Variants in TIMM44 observed in about 807,000 individuals in gnomAD.
The protein encoded by TIMM44 is mitochondrial import inner membrane translocase subunit TIM44.
A neutral mutation model predicts 63.8 loss-of-function variants in TIMM44; 37 were observed. The observed-to-expected ratio is 0.58, with a 90% CI of 0.45 to 0.76. The LOEUF (loss-of-function observed/expected upper bound fraction) is 0.76. Ranked by LOEUF, TIMM44 falls within the 30% of genes least tolerant of loss-of-function variation. The pLI is 0.00. For synonymous variants in TIMM44, 239 were observed against 245.1 expected (o/e 0.98, Z 0.23); for missense variants, 573 against 603.8 (o/e 0.95, Z 0.54).
intron 12 of TIMM44, 51 bp from the exon 13 acceptor site, chr19:7,927,357 G>A: frequency 1.3e-6 from 2 of 1,587,850 alleles, no homozygotes; most frequent in South Asian, 1.1e-5. Flanking sequence ...GGTGACCCAG[G>A]CAGCTCTGGG....
At chr19:7,932,575 G>A (rs1004996785) in intron 9 of TIMM44, 52 bp downstream of exon 9, 2 of 1,599,310 alleles carry the variant, frequency 1.3e-6, no homozygotes, top group Non-Finnish European at 1.7e-6. Flanking sequence ...CGGGGGAGGT[G>A]GTGGAGCCAG....
Position 7,933,782 on chromosome 19 carries a change from G to A in TIMM44, c.683+82C>T. The A allele has an allele frequency of 6.3e-7, 1 of 1,589,550 alleles. No homozygotes were observed. The highest frequency in any genetic ancestry group is 8.6e-7 in the Non-Finnish European group (1 of 1,162,588). ...AAACTCAAGAAACGGACTCAGGAGGGAACCATTGGTGGGCTCCCGAAATGG... is the reference window on the plus strand; with the variant it reads ...AAACTCAAGAAACGGACTCAGGAGGAAACCATTGGTGGGCTCCCGAAATGG... On this transcript the variant is annotated intron_variant, in intron 6 of 12. Transcript: ENST00000270538. The surrounding 1 kb of genome is among the most constrained non-coding windows in gnomAD (Gnocchi z 4.3).
At position 7,927,078 on chromosome 19, in the gene TIMM44, G is replaced by A. The variant is rs1983828452; in HGVS notation, c.*109C>T. The A allele has an allele frequency of 6.8e-7, 1 of 1,471,248 alleles. No individual in the cohort carries two copies. The highest frequency in any genetic ancestry group is 9.2e-7 in the Non-Finnish European group (1 of 1,090,376). 91.1% of individuals were successfully genotyped at this position (1,471,248 alleles called of 1,614,324 possible). On this transcript the variant is annotated 3_prime_UTR_variant, in exon 13 of 13. Coordinates refer to ENST00000270538, the MANE Select transcript of TIMM44 (RefSeq NM_006351.4). ...TTGCAGCCGTCCTGGCAGAGCTGGG[G>A]GCAGAGCCCGCAGTCTTGTTCCCAG...
chr19:7,937,937 G>A (rs1188452652), intron 3 of TIMM44, 90 bp downstream of exon 3: 1 of 1,505,834 alleles, frequency 6.6e-7, no homozygotes, highest in Non-Finnish European at 9.2e-7. Context: ...GGAATCACTT[G>A]AACCTGGGAG....
rs766924897 is a variant in TIMM44 at position 7,932,656 on chromosome 19, C to A, written c.958G>T (p.Glu320Ter). Residue 320 changes from glutamate (E) to a stop codon, truncating the protein, a stop_gained, in exon 9 of 13, where the codon GAG becomes TAG. Transcript: ENST00000270538. LOFTEE classifies it high-confidence loss of function. The stretch of plus-strand genomic sequence containing the variant: ...AGGACATTGGGGATGATGTCGTTCT[C>A]GCACTGTTTCAGAAACCGGTCCTTG... The part of the protein sequence containing the change: ...FDKDRFLKQC[E>*]NDIIPNVLEA... 1.2e-6 allele frequency: 2 copies of A among 1,614,090 alleles called. No individual in the cohort carries two copies. The highest frequency in any genetic ancestry group is 2.2e-5 in the South Asian group (2 of 91,082).
intron 2 of TIMM44, among the ~76,000 whole-genome samples, chr19:7,938,710 G>C (rs1984223112): frequency 6.6e-6 from 1 of 152,140 alleles, no homozygotes; most frequent in Non-Finnish European, 1.5e-5. Flanking sequence ...AGAAGGCTGA[G>C]GCACAAGAAT....
chr19:7,934,173 GGCT>G lies in TIMM44; in HGVS notation c.456_458del (p.Ala153del). On this transcript the variant is annotated inframe_deletion, in exon 5 of 13. Transcript: ENST00000270538. The surrounding 1 kb of genome is among the most constrained non-coding windows in gnomAD (Gnocchi z 5.3). ...ACTCGGCCGACTGCTTGGCCGTCTT[GGCT>G]GCTTCCTCCACGCCCTCCTTGATTT... 1 of 1,613,582 alleles carries G rather than the reference GGCT, an allele frequency of 6.2e-7. No individual in the cohort carries two copies. The highest frequency in any genetic ancestry group is 8.5e-7 in the Non-Finnish European group (1 of 1,179,994).
Position 7,927,241 on chromosome 19 carries a change from G to A in TIMM44, c.1305C>T (p.Tyr435=), listed in dbSNP as rs11542188. The part of the protein sequence containing the change: ...LCRDQDELNP[Y]AAWRLLDISA... ...AGATGTCCAGGAGCCGCCAGGCCGCGTAGGGGTTGAGCTCGTCCTGGTCTC... is the reference window on the plus strand; with the variant it reads ...AGATGTCCAGGAGCCGCCAGGCCGCATAGGGGTTGAGCTCGTCCTGGTCTC... The change falls in exon 13 of 13, where the codon TAC becomes TAT. Residue 435 remains tyrosine, a synonymous_variant. Coordinates refer to ENST00000270538, the MANE Select transcript of TIMM44 (RefSeq NM_006351.4). 0.07 allele frequency: 113,319 copies of A among 1,612,356 alleles called. 4,134 individuals are homozygous for A. The highest frequency in any genetic ancestry group is 0.1 in the African/African-American group (7,767 of 75,020).
chr19:7,934,314 C>T lies in TIMM44; in HGVS notation c.394-76G>A. ...GGGGGCGGGGCAGGAGGAATGAATT[C>T]CTGCCGGAGAGAAGGGCGGATCTGG... On this transcript the variant is annotated intron_variant, in intron 4 of 12. Transcript: ENST00000270538. The surrounding 1 kb of genome is among the most constrained non-coding windows in gnomAD (Gnocchi z 5.3). The T allele has an allele frequency of 6.3e-7, 1 of 1,580,976 alleles. No homozygotes were observed. The highest frequency in any genetic ancestry group is 8.6e-7 in the Non-Finnish European group (1 of 1,162,654).
intron 10 of TIMM44, chr19:7,928,462 C>G: frequency 2.2e-6 from 1 of 448,646 alleles, no homozygotes; most frequent in South Asian, 2.8e-5. Context: ...CAGGGCTAAG[C>G]TGGCGGCCCC....
chr19:7,937,652 C>A, intron 3 of TIMM44: 1 of 320,334 alleles, frequency 3.1e-6, no homozygotes. Context: ...CCGTCCAGCC[C>A]TGAGCTCCTC....
rs574770379 is a variant in TIMM44, at chr19:7,933,689, G to T, written c.684-119C>A. On this transcript the variant is annotated intron_variant, in intron 6 of 12. Coordinates refer to ENST00000270538, the MANE Select transcript of TIMM44 (RefSeq NM_006351.4). The surrounding 1 kb of genome is among the most constrained non-coding windows in gnomAD (Gnocchi z 4.3). ...GGCAGCTGAGACCTCAAACCTAGGGGCTCTGAGGACCCCGCCCTCACCTCT... is the reference window on the plus strand; with the variant it reads ...GGCAGCTGAGACCTCAAACCTAGGGTCTCTGAGGACCCCGCCCTCACCTCT... 4 of 1,289,826 alleles carry T rather than the reference G, an allele frequency of 3.1e-6. No homozygotes were observed. Among genetic ancestry groups the T allele is most frequent in the Non-Finnish European group, 4.5e-6 (4 of 893,534 alleles). The allele number at this position is 1,289,826 out of a possible 1,614,324, so 79.9% of individuals were successfully genotyped here.
intron 1 of TIMM44, among the ~76,000 whole-genome samples, chr19:7,941,785 A>G (rs1357753214): frequency 6.6e-6 from 1 of 152,168 alleles, no homozygotes; most frequent in Non-Finnish European, 1.5e-5. Flanking sequence ...TGGGGGGAAG[A>G]AGGCTAAATG....
chr19:7,926,987 C>T lies in TIMM44; in HGVS notation c.*200G>A, dbSNP rs1983824032. 6 of 717,046 alleles carry T rather than the reference C, an allele frequency of 8.4e-6. No individual in the cohort carries two copies. Among genetic ancestry groups the T allele is most frequent in the Non-Finnish European group, 1.1e-5 (5 of 435,250 alleles). 44.4% of individuals were successfully genotyped at this position (717,046 alleles called of 1,614,324 possible). The stretch of plus-strand genomic sequence containing the variant: ...AGCAACAGGGCAGGGGTTGGCCCTG[C>T]GGGGGAGTGTCTCCAGCTGCCGCGC... On this transcript the variant is annotated 3_prime_UTR_variant, in exon 13 of 13. Coordinates refer to ENST00000270538, the MANE Select transcript of TIMM44 (RefSeq NM_006351.4).
chr19:7,932,862 C>T lies in TIMM44; in HGVS notation c.840G>A (p.Thr280=), dbSNP rs754142354. ...CACCCAGCAAGTCGGTGACCTTGTC[C>T]GTAAGGGCCCGGGATGCCCGGATGA... is the stretch of plus-strand genomic sequence containing the variant. The part of the protein sequence containing the change: ...NAFIRASRAL[T]DKVTDLLGGL... The change falls in exon 8 of 13, where the codon ACG becomes ACA. Residue 280 remains threonine (T), a synonymous_variant. Coordinates refer to ENST00000270538, the MANE Select transcript of TIMM44 (RefSeq NM_006351.4). 4.3e-6 allele frequency: 7 copies of T among 1,614,106 alleles called. No individual in the cohort carries two copies. Among genetic ancestry groups the T allele is most frequent in the Admixed American group, 1.7e-5 (1 of 60,010 alleles).
intron 3 of TIMM44, 34 bp downstream of exon 3, chr19:7,937,993 G>A (rs779897295): frequency 1.9e-6 from 3 of 1,613,086 alleles, no homozygotes; most frequent in South Asian, 1.1e-5. Context: ...TCTCCAGCCT[G>A]GGTGAGGGAA....
rs896734508 is a variant in TIMM44 at position 7,930,275 on chromosome 19, C to T, written c.1038+863G>A. Among the ~76,000 whole-genome samples the T allele has an allele frequency of 2.0e-5, 3 of 146,780 alleles. No homozygotes were observed. The East Asian group carries it at 6.5e-4, about 32-fold the overall frequency. The stretch of plus-strand genomic sequence containing the variant: ...ACCTCAGCCTCCCTAATAGCTGGGA[C>T]AACAGGTGCCTGCCTCCATGCTTGG... On this transcript the variant is annotated intron_variant, in intron 10 of 12. Coordinates refer to ENST00000270538, the MANE Select transcript of TIMM44 (RefSeq NM_006351.4).
At chr19:7,937,507 T>G (rs1201700350) in intron 3 of TIMM44, among the ~76,000 whole-genome samples, 1 of 152,194 alleles carries the variant, frequency 6.6e-6, no homozygotes, top group Non-Finnish European at 1.5e-5. Context: ...GGGACCACGC[T>G]TCAAGCTGCA....
chr19:7,932,797 CG>C, intron 8 of TIMM44, 42 bp downstream of exon 8: 2 of 1,614,056 alleles, frequency 1.2e-6, no homozygotes, highest in Non-Finnish European at 1.7e-6. Flanking sequence ...CCGGGGACCC[CG>C]CCCCACCACC....
Sources: gnomAD v4.1 joint callset for allele counts (sites outside exome capture counted in the v4.1 genomes callset) on GRCh38, gnomAD v4.1.1 for gene constraint, Gnocchi (gnomAD v3.1) non-coding constraint, MANE v1.5 for transcripts, NCBI Gene and HGNC (gene_info 2026-07-23, HGNC 2026-07-21) for gene names.